TEC: variants seen among roughly 807,000 people sequenced by gnomAD.
The protein encoded by TEC is tec protein tyrosine kinase.
In TEC, 72 loss-of-function variants were observed where a neutral mutation model predicts 93.0. The ratio of observed to expected loss-of-function variants is 0.77; its 90% CI spans 0.64 to 0.94. The LOEUF (loss-of-function observed/expected upper bound fraction) is 0.94, where lower values mean the gene tolerates loss of function less well. Ranked by LOEUF, TEC falls within the 40% of genes least tolerant of loss-of-function variation. The pLI is 0.00. For missense variants in TEC, 630 were observed against 757.9 expected (o/e 0.83, Z 1.98); for synonymous variants, 249 against 247.7 (o/e 1.01, Z -0.05).
chr4:48,207,002 C>T (rs1359735045), intron 2 of TEC, among the ~76,000 whole-genome samples: 2 of 151,796 alleles, frequency 1.3e-5, no homozygotes, highest in African/African-American at 4.8e-5. Flanking sequence ...AAATAAAGAA[C>T]GAGGGGCAAG....
At chr4:48,221,866 A>G (rs943468704) in intron 2 of TEC, among the ~76,000 whole-genome samples, 1 of 152,164 alleles carries the variant, frequency 6.6e-6, no homozygotes, top group African/African-American at 2.4e-5. Context: ...TAACATAAAC[A>G]TAGCTACGGC....
At chr4:48,268,280 C>A (rs1261545851) in intron 1 of TEC, among the ~76,000 whole-genome samples, 3 of 152,174 alleles carry the variant, frequency 2.0e-5, no homozygotes, top group Non-Finnish European at 4.4e-5. Flanking sequence ...AAAGGTATTG[C>A]CAACTAGAGT....
At position 48,153,067 on chromosome 4, in the gene TEC, A is replaced by G. The variant is rs185990465; in HGVS notation, c.793-2125T>C. Among the ~76,000 whole-genome samples, 309 of 152,294 alleles carry G rather than the reference A, an allele frequency of 2.0e-3. 4 individuals are homozygous for G. Among genetic ancestry groups the G allele is most frequent in the Admixed American group, 2.5e-3 (38 of 15,304 alleles). On this transcript the variant is annotated intron_variant, in intron 9 of 17. Coordinates refer to ENST00000381501, the MANE Select transcript of TEC (RefSeq NM_003215.3). ...TACTCAGCACAGAGTAGTTCCCTCT[A>G]TACATTTTACCCTTTCATTTTATTT...
chr4:48,190,237 TAACTC>T lies in TEC; in HGVS notation c.139-14056_139-14052del, dbSNP rs529460655. Among the ~76,000 whole-genome samples the T allele has an allele frequency of 1.7e-4, 26 of 152,316 alleles. No individual in the cohort carries two copies. In the East Asian group the frequency reaches 4.6e-3, roughly 27 times the overall value. The stretch of plus-strand genomic sequence containing the variant: ...AATTTTCCCATTTAAAAACCTAAAT[TAACTC>T]TACTAACTGCCACACCTAAAGTTTA... On this transcript the variant is annotated intron_variant, in intron 2 of 17. Transcript: ENST00000381501.
At chr4:48,163,818 T>TGAAA (rs10632072) in intron 7 of TEC, 51 bp from the exon 8 acceptor site, 370,206 of 1,011,756 alleles carry the variant, frequency 0.37, 74,816 homozygotes, top group East Asian at 0.89. Context: ...GGGAGGTTAT[T>TGAAA]GAAAGAAAGA....
chr4:48,235,000 A>C (rs1257879357), intron 1 of TEC, among the ~76,000 whole-genome samples: 2 of 152,162 alleles, frequency 1.3e-5, no homozygotes, highest in Admixed American at 1.3e-4. Context: ...TCTGTAAAAT[A>C]GAATGAGAGC....
intron 1 of TEC, among the ~76,000 whole-genome samples, chr4:48,247,958 C>T (rs1724103777): frequency 1.3e-5 from 2 of 152,110 alleles, no homozygotes; most frequent in African/African-American, 2.4e-5. Context: ...GAGTCAGAAA[C>T]CAAAAGGCAG....
At chr4:48,216,942 CTT>C (rs2109620267) in intron 2 of TEC, among the ~76,000 whole-genome samples, 1 of 152,284 alleles carries the variant, frequency 6.6e-6, no homozygotes, top group South Asian at 2.1e-4. Flanking sequence ...TGTTTCTACT[CTT>C]AAGTTGCAGG....
At chr4:48,251,709 A>G (rs1006189514) in intron 1 of TEC, among the ~76,000 whole-genome samples, 5 of 152,202 alleles carry the variant, frequency 3.3e-5, no homozygotes, top group African/African-American at 9.6e-5. Context: ...ATGCAAGTGG[A>G]AGAATGTAAG....
chr4:48,220,669 T>C (rs1200007080), intron 2 of TEC, among the ~76,000 whole-genome samples: 1 of 152,164 alleles, frequency 6.6e-6, no homozygotes, highest in African/African-American at 2.4e-5. Flanking sequence ...CAGCCTCAAG[T>C]ATTTCTTTAT....
At chr4:48,240,033 G>A (rs1236277998) in intron 1 of TEC, among the ~76,000 whole-genome samples, 4 of 151,446 alleles carry the variant, frequency 2.6e-5, no homozygotes, top group African/African-American at 9.7e-5. Context: ...ATTTTTCAGA[G>A]TTCTTATCTT....
At chr4:48,213,513 C>T (rs1269522911) in intron 2 of TEC, among the ~76,000 whole-genome samples, 1 of 152,136 alleles carries the variant, frequency 6.6e-6, no homozygotes, top group Non-Finnish European at 1.5e-5. Flanking sequence ...AGAAGTCCTC[C>T]TAAAAAAGTA....
chr4:48,212,110 A>AAAAAAAAAAAAAAAATATATAT, intron 2 of TEC, among the ~76,000 whole-genome samples: 1 of 122,260 alleles, frequency 8.2e-6, no homozygotes, highest in African/African-American at 3.0e-5. Flanking sequence ...AAAAAAAAAA[A>AAAAAAAAAAAAAAAATATATAT]ATATATATAT....
chr4:48,140,769 T>G (rs2109501722), intron 15 of TEC, among the ~76,000 whole-genome samples: 1 of 152,338 alleles, frequency 6.6e-6, no homozygotes, highest in Non-Finnish European at 1.5e-5. Context: ...AAATGAGGTT[T>G]GGGTCAGACT....
intron 2 of TEC, among the ~76,000 whole-genome samples, chr4:48,188,642 G>C (rs1338276515): frequency 6.6e-6 from 1 of 151,958 alleles, no homozygotes; most frequent in Admixed American, 6.5e-5. Flanking sequence ...CATATACACA[G>C]ACATAAACAT....
chr4:48,165,948 T>C (rs897247883), intron 7 of TEC, among the ~76,000 whole-genome samples: 1 of 152,230 alleles, frequency 6.6e-6, no homozygotes, highest in African/African-American at 2.4e-5. Flanking sequence ...TTGAGAGCTC[T>C]GCAAAAGTGC....
chr4:48,213,563 G>A (rs1722977985), intron 2 of TEC, among the ~76,000 whole-genome samples: 2 of 152,128 alleles, frequency 1.3e-5, no homozygotes, highest in Admixed American at 6.5e-5. Context: ...GTGTTTCTAA[G>A]CTCCTTTCTG....
chr4:48,242,087 C>T lies in TEC; in HGVS notation c.-45-13428G>A, dbSNP rs1723937127. 2.0e-5 allele frequency among the ~76,000 whole-genome samples: 3 copies of T among 152,178 alleles called. 1 individual carries two copies. In the South Asian group the frequency reaches 6.2e-4, roughly 32 times the overall value. On this transcript the variant is annotated intron_variant, in intron 1 of 17. Transcript: ENST00000381501. ...AAAAGTGGTAATGTGCAGTGTCTGG[C>T]TACATTGGTAAAATAAGTCAATGTC...
At chr4:48,220,687 C>T (rs1047703170) in intron 2 of TEC, among the ~76,000 whole-genome samples, 24 of 151,986 alleles carry the variant, frequency 1.6e-4, no homozygotes, top group African/African-American at 5.1e-4. Context: ...TATAGCAATA[C>T]GAATGGACTA....
Sources: gnomAD v4.1 joint callset for allele counts (sites outside exome capture counted in the v4.1 genomes callset) on GRCh38, gnomAD v4.1.1 for gene constraint, MANE v1.5 for transcripts, NCBI Gene and HGNC (gene_info 2026-07-23, HGNC 2026-07-21) for gene names.